TRIM38: variants seen among roughly 807,000 people sequenced by gnomAD.
TRIM38 encodes the protein tripartite motif containing 38.
A neutral mutation model predicts 35.8 loss-of-function variants in TRIM38; 35 were observed. The observed-to-expected ratio is 0.98, with a 90% confidence interval of 0.75 to 1.30. The LOEUF is 1.30. TRIM38 is among the 50% of genes most tolerant of loss of function. The probability of loss-of-function intolerance (pLI) is 0.00; values close to 1 mark genes in which losing one functional copy is unlikely to be tolerated. For missense variants in TRIM38, 545 were observed against 556.9 expected (o/e 0.98, Z 0.21); for synonymous variants, 198 against 204.7 (o/e 0.97, Z 0.28).
At chr6:25,975,652 C>T (rs757961451) in intron 7 of TRIM38, 188 of 980,316 alleles carry the variant, frequency 1.9e-4, no homozygotes, top group Non-Finnish European at 2.2e-4. Context: ...GTTTTTCCCA[C>T]CCGTCTCCAA....
chr6:25,986,874 G>C lies in TRIM38; in HGVS notation c.*3187G>C, dbSNP rs1760724037. 1.3e-5 allele frequency: 2 copies of C among 152,058 alleles called. No individual in the cohort carries two copies. The highest frequency in any genetic ancestry group is 4.8e-5 in the African/African-American group (2 of 41,404). The allele number at this position is 152,058 out of a possible 1,614,324, so 9.4% of individuals were successfully genotyped here. Reference sequence around the variant, plus strand: ...ATACTCACAACCCAAGTTGTAGGATGGAAAAAAGGACACAAAAGTAGGGTG... The same window carrying C: ...ATACTCACAACCCAAGTTGTAGGATCGAAAAAAGGACACAAAAGTAGGGTG... On this transcript the variant is annotated 3_prime_UTR_variant, in exon 8 of 8. Coordinates refer to ENST00000357085, the MANE Select transcript of TRIM38 (RefSeq NM_006355.5).
Position 25,966,417 on chromosome 6 carries a change from C to A in TRIM38, c.-106C>A. Reference sequence around the variant, plus strand: ...ACCTATGGAAGTCAGTTGCAGCCAGCTCATCACATAGAGGTGCAGGTGAGG... The same window carrying A: ...ACCTATGGAAGTCAGTTGCAGCCAGATCATCACATAGAGGTGCAGGTGAGG... On this transcript the variant is annotated 5_prime_UTR_variant, in exon 3 of 8. Transcript: ENST00000357085. 8.3e-7 allele frequency: 1 copy of A among 1,207,170 alleles called. No homozygotes were observed. The highest frequency in any genetic ancestry group is 1.1e-6 in the Non-Finnish European group (1 of 889,818). 74.8% of individuals were successfully genotyped at this position (1,207,170 alleles called of 1,614,324 possible).
intron 7 of TRIM38, among the ~76,000 whole-genome samples, chr6:25,980,835 T>C (rs1212450944): frequency 6.6e-6 from 1 of 152,250 alleles, no homozygotes; most frequent in Non-Finnish European, 1.5e-5. Context: ...TTTTTGTTGA[T>C]GTGTCACACC....
chr6:25,972,996 C>G (rs533977580), intron 5 of TRIM38, 58 bp from the exon 6 acceptor site: 2 of 1,609,000 alleles, frequency 1.2e-6, no homozygotes, highest in African/African-American at 2.7e-5. Context: ...CCCTGCATGA[C>G]AAGCCCCATG....
rs1561895912 is a variant in TRIM38, at chr6:25,966,698, GT to G, written c.177del (p.Gln61SerfsTer84). Reference protein sequence around the residue: ...QKQLRQETFCCPQCRAPFHMD... With the variant: ...QKQLRQETFCXPQCRAPFHMD... The stretch of plus-strand genomic sequence containing the variant: ...CAACTGAGGCAGGAGACATTCTGCT[GT>G]CCCCAGTGTCGGGCTCCATTTCATA... On this transcript the variant is annotated frameshift_variant, in exon 3 of 8. Coordinates refer to ENST00000357085, the MANE Select transcript of TRIM38 (RefSeq NM_006355.5). LOFTEE classifies it high-confidence loss of function. 1.9e-6 allele frequency: 3 copies of G among 1,614,202 alleles called. No homozygotes were observed. The Middle Eastern group carries it at 4.9e-4, about 266-fold the overall frequency.
intron 5 of TRIM38, 106 bp from the exon 6 acceptor site, chr6:25,972,948 A>T (rs549511190): frequency 1.3e-5 from 18 of 1,429,878 alleles, no homozygotes; most frequent in Non-Finnish European, 9.7e-6. Context: ...GACTAGGGTA[A>T]CTCTCTTTAC....
chr6:25,969,497 A>G, intron 4 of TRIM38, 77 bp downstream of exon 4: 2 of 1,229,578 alleles, frequency 1.6e-6, no homozygotes, highest in South Asian at 1.5e-5. Context: ...GAGGAAAAGC[A>G]CAATGAGGAT....
In TRIM38 at chr6:25,986,251, G is replaced by C. The variant is rs1057439677; in HGVS notation, c.*2564G>C. On this transcript the variant is annotated 3_prime_UTR_variant, in exon 8 of 8. Coordinates refer to ENST00000357085, the MANE Select transcript of TRIM38 (RefSeq NM_006355.5). ...ATTCAGACACTTACAGAGCAGCCAG[G>C]CATGGTGGCTCACACCTGTAATCCT... is the stretch of plus-strand genomic sequence containing the variant. 2.0e-5 allele frequency: 3 copies of C among 152,220 alleles called. No individual in the cohort carries two copies. The highest frequency in any genetic ancestry group is 7.2e-5 in the African/African-American group (3 of 41,444). The allele number at this position is 152,220 out of a possible 1,614,324, so 9.4% of individuals were successfully genotyped here. A position where few individuals can be genotyped will look rare whatever the true frequency, so the allele number is the denominator to read the frequency against.
At chr6:25,977,965 G>T (rs1760446185) in intron 7 of TRIM38, among the ~76,000 whole-genome samples, 2 of 151,836 alleles carry the variant, frequency 1.3e-5, no homozygotes, top group Non-Finnish European at 2.9e-5. Context: ...TTGCATGTTG[G>T]CTCCATACCT....
intron 5 of TRIM38, 141 bp downstream of exon 5, chr6:25,972,240 AG>A: frequency 1.4e-6 from 1 of 736,028 alleles, no homozygotes; most frequent in Non-Finnish European, 2.2e-6. Flanking sequence ...ACTAATTTAT[AG>A]GGTACCTTTA....
chr6:25,966,828 G>C lies in TRIM38; in HGVS notation c.306G>C (p.Leu102=). 6.2e-7 allele frequency: 1 copy of C among 1,614,196 alleles called. No homozygotes were observed. The highest frequency in any genetic ancestry group is 8.5e-7 in the Non-Finnish European group (1 of 1,180,032). The part of the protein sequence containing the change: ...SCEEHGEQFH[L]FCEDEGQLIC... ...AGGAACACGGAGAGCAGTTCCACCTGTTCTGCGAAGACGAGGGGCAGCTCA... is the reference window on the plus strand; with the variant it reads ...AGGAACACGGAGAGCAGTTCCACCTCTTCTGCGAAGACGAGGGGCAGCTCA... The change falls in exon 3 of 8, where the codon CTG becomes CTC. Residue 102 remains leucine (L), a synonymous_variant. Transcript: ENST00000357085.
chr6:25,988,840 A>C lies in TRIM38; in HGVS notation c.*5153A>C, dbSNP rs1331716547. 3.3e-5 allele frequency: 5 copies of C among 152,326 alleles called. No homozygotes were observed. Among genetic ancestry groups the C allele is most frequent in the African/African-American group, 1.2e-4 (5 of 41,570 alleles). The allele number at this position is 152,326 out of a possible 1,614,324, so 9.4% of individuals were successfully genotyped here. ...ACATCTTGTTTCCAAGTTTTGGATA[A>C]ATTATGAATAAAGCTGCTATAAACA... On this transcript the variant is annotated 3_prime_UTR_variant, in exon 8 of 8. Coordinates refer to ENST00000357085, the MANE Select transcript of TRIM38 (RefSeq NM_006355.5).
At chr6:25,975,487 T>G in intron 7 of TRIM38, 1 of 521,756 alleles carries the variant, frequency 1.9e-6, no homozygotes, top group Non-Finnish European at 2.5e-6. Context: ...CAAGTGTTAG[T>G]CACTGTGCCC....
At chr6:25,980,413 T>C (rs1483439341) in intron 7 of TRIM38, among the ~76,000 whole-genome samples, 1 of 152,014 alleles carries the variant, frequency 6.6e-6, no homozygotes. Flanking sequence ...GGTGACTCCT[T>C]TCATTCTTTC....
chr6:25,985,816 TG>T lies in TRIM38; in HGVS notation c.*2130del, dbSNP rs374448458. On this transcript the variant is annotated 3_prime_UTR_variant, in exon 8 of 8. Coordinates refer to ENST00000357085, the MANE Select transcript of TRIM38 (RefSeq NM_006355.5). ...CAGAAAGGGGAGGCCTCCCTAACAT[TG>T]TTAAAGCCTAGCATATGCTGCTTAG... is the stretch of plus-strand genomic sequence containing the variant. The T allele has an allele frequency of 2.0e-5, 3 of 152,338 alleles. No homozygotes were observed. The highest frequency in any genetic ancestry group is 7.2e-5 in the African/African-American group (3 of 41,578). 9.4% of individuals were successfully genotyped at this position (152,338 alleles called of 1,614,324 possible). A position where few individuals can be genotyped will look rare whatever the true frequency, so the allele number is the denominator to read the frequency against.
intron 2 of TRIM38, among the ~76,000 whole-genome samples, chr6:25,964,814 T>TA (rs1281879563): frequency 4.1e-4 from 30 of 73,284 alleles, no homozygotes; most frequent in African/African-American, 2.6e-3. Flanking sequence ...TACCAATTAT[T>TA]CTTTTTTTTT....
intron 7 of TRIM38, among the ~76,000 whole-genome samples, chr6:25,980,822 A>G (rs1760523774): frequency 6.6e-6 from 1 of 152,292 alleles, no homozygotes; most frequent in East Asian, 1.9e-4. Flanking sequence ...ATCTTTCTAT[A>G]TGTTTTTGTT....
Position 25,989,982 on chromosome 6 carries a change from C to T in TRIM38, c.*6295C>T, listed in dbSNP as rs1760801622. ...TTCACTATGTATTTGCAGAAAATGG[C>T]TTTCAATATTGTCTACTTTATCATC... is the stretch of plus-strand genomic sequence containing the variant. On this transcript the variant is annotated 3_prime_UTR_variant, in exon 8 of 8. Transcript: ENST00000357085. 1 of 148,716 alleles carries T rather than the reference C, an allele frequency of 6.7e-6. No homozygotes were observed. Among genetic ancestry groups the T allele is most frequent in the Admixed American group, 6.7e-5 (1 of 14,912 alleles). The allele number at this position is 148,716 out of a possible 1,614,324, so 9.2% of individuals were successfully genotyped here.
In TRIM38 at chr6:25,983,643, G is replaced by T; in HGVS notation, c.1354G>T (p.Val452Phe). ...TGATACTCTCCGGCCCTATTTCCAG[G>T]TTTATCAATATTCTCCTTTGTTTCT... ...FSDTLRPYFQ[V>F]YQYSPLFLPP... The change falls in exon 8 of 8, where the codon GTT becomes TTT. Residue 452 changes from valine (V) to phenylalanine (F), a missense_variant. Val to Phe is a conservative substitution (Grantham distance 50). Coordinates refer to ENST00000357085, the MANE Select transcript of TRIM38 (RefSeq NM_006355.5). 6.2e-7 allele frequency: 1 copy of T among 1,610,724 alleles called. No homozygotes were observed. Among genetic ancestry groups the T allele is most frequent in the Non-Finnish European group, 8.5e-7 (1 of 1,178,872 alleles).
Sources: allele counts gnomAD v4.1 joint callset (sites outside exome capture counted in the v4.1 genomes callset), GRCh38; gene constraint gnomAD v4.1.1; transcripts MANE v1.5; gene names NCBI Gene and HGNC (gene_info 2026-07-23, HGNC 2026-07-21).